SEMA4B: variants seen among roughly 807,000 people sequenced by gnomAD.
The protein encoded by SEMA4B is semaphorin-4B.
SEMA4B carries 55 observed loss-of-function variants against 88.1 expected under a neutral mutation model. The ratio of observed to expected loss-of-function variants is 0.62; its 90% CI spans 0.50 to 0.78. The LOEUF (loss-of-function observed/expected upper bound fraction) is 0.78. Ranked by LOEUF, SEMA4B falls within the 30% of genes least tolerant of loss-of-function variation. The pLI is 0.00. For synonymous variants in SEMA4B, 525 were observed against 473.6 expected, an observed-to-expected ratio of 1.11 and a Z score of -1.41; for missense variants, 1,062 against 1,111.9, an observed-to-expected ratio of 0.96 and a Z score of 0.64.
rs900724754 is a variant in SEMA4B at position 90,227,639 on chromosome 15, A to G, written c.1771A>G (p.Thr591Ala). 3 of 1,613,920 alleles carry G rather than the reference A, an allele frequency of 1.9e-6. No individual in the cohort carries two copies. Among genetic ancestry groups the G allele is most frequent in the Non-Finnish European group, 2.5e-6 (3 of 1,179,822 alleles). The change falls in exon 13 of 14, where the codon ACA becomes GCA. Residue 591 changes from threonine to alanine, a missense_variant. Thr to Ala is a moderately conservative substitution (Grantham distance 58, BLOSUM62 0). Transcript: ENST00000411539. ...SSVVSPSFVPTGEKPCEQVQF... is the reference protein window; with the variant it reads ...SSVVSPSFVPAGEKPCEQVQF... ...GGTTGTGTCCCCGTCTTTTGTACCA[A>G]CAGGTGAGGTGCCCCCTCAAAAGGT...
At chr15:90,221,927 T>C (rs1035060780) in intron 7 of SEMA4B, among the ~76,000 whole-genome samples, 162 bp downstream of exon 7, 8 of 95,990 alleles carry the variant, frequency 8.3e-5, no homozygotes, top group African/African-American at 3.9e-4. Flanking sequence ...ATCTTACTAC[T>C]TTTTTCTTTT....
intron 1 of SEMA4B, among the ~76,000 whole-genome samples, chr15:90,194,490 C>A (rs1277105401): frequency 6.6e-6 from 1 of 152,060 alleles, no homozygotes; most frequent in Non-Finnish European, 1.5e-5. Context: ...TGATATCATG[C>A]CATTGCACTC....
upstream of SEMA4B, among the ~76,000 whole-genome samples, chr15:90,199,764 T>G (rs1960635649): frequency 6.6e-6 from 1 of 151,800 alleles, no homozygotes; most frequent in Non-Finnish European, 1.5e-5. Context: ...AGGCAGAGGT[T>G]GCAGTGAGTG....
In SEMA4B at chr15:90,228,163, GGT is replaced by G. The variant is rs1567064711; in HGVS notation, c.2036_2037del (p.Val679GlyfsTer6). ...ACTGCCCAGAGGTGGTGGAGGACGG[GGT>G]GGCAGACCAAACAGATGAGGGTGGC... is the stretch of plus-strand genomic sequence containing the variant. ...SYCPEVVEDGVADQTDEGGSV... is the reference protein window; with the variant it reads ...SYCPEVVEDGXADQTDEGGSV... On this transcript the variant is annotated frameshift_variant, in exon 14 of 14. Transcript: ENST00000411539. LOFTEE classifies it high-confidence loss of function. The G allele has an allele frequency of 1.2e-6, 2 of 1,610,724 alleles. No homozygotes were observed.
chr15:90,194,723 C>T (rs756408833), intron 1 of SEMA4B, among the ~76,000 whole-genome samples: 2 of 152,042 alleles, frequency 1.3e-5, no homozygotes, highest in Non-Finnish European at 2.9e-5. Context: ...TGTTTAATCA[C>T]TCAAAATTTT....
chr15:90,194,013 G>A (rs1222376074), intron 1 of SEMA4B, among the ~76,000 whole-genome samples: 3 of 151,468 alleles, frequency 2.0e-5, no homozygotes, highest in African/African-American at 7.3e-5. Context: ...CACCACGCCC[G>A]GCTAATTTTC....
chr15:90,228,782 G>A lies in SEMA4B; in HGVS notation c.*139G>A. 1 of 1,129,582 alleles carries A rather than the reference G, an allele frequency of 8.9e-7. No homozygotes were observed. The highest frequency in any genetic ancestry group is 1.2e-6 in the Non-Finnish European group (1 of 807,986). 70.0% of individuals were successfully genotyped at this position (1,129,582 alleles called of 1,614,324 possible). On this transcript the variant is annotated 3_prime_UTR_variant, in exon 14 of 14. Coordinates refer to ENST00000411539, the MANE Select transcript of SEMA4B (RefSeq NM_198925.4). ...CCCTTGGGAGCCTTGGGGCCAGCTG[G>A]CCTGCTGCTCTCCAGTCAAGTAGCG...
At chr15:90,185,430 TC>T (rs1218255305) in intron 1 of SEMA4B, among the ~76,000 whole-genome samples, 1 of 152,226 alleles carries the variant, frequency 6.6e-6, no homozygotes, top group Non-Finnish European at 1.5e-5. Context: ...TGCGGAATGG[TC>T]GTGGATATGA....
chr15:90,201,777 G>A, intron 1 of SEMA4B, 42 bp downstream of exon 1: 1 of 1,378,262 alleles, frequency 7.3e-7, no homozygotes. Context: ...GGGGAAGGAA[G>A]GCTGCCGGGG....
intron 6 of SEMA4B, 57 bp downstream of exon 6, chr15:90,221,537 AG>A (rs1412540282): frequency 3.1e-6 from 5 of 1,607,144 alleles, no homozygotes; most frequent in Admixed American, 1.7e-5. Context: ...CAGCCCTAGA[AG>A]GGGGCACTTT....
At chr15:90,219,934 C>T (rs1028841684) in intron 4 of SEMA4B, 43 bp downstream of exon 4, 1 of 1,437,208 alleles carries the variant, frequency 7.0e-7, no homozygotes. Flanking sequence ...CTGGGAACTG[C>T]CCCTCTTTCT....
rs1596149716 is a variant in SEMA4B at position 90,219,953 on chromosome 15, G to A, written c.483+62G>A. 7.6e-6 allele frequency: 10 copies of A among 1,308,854 alleles called. No individual in the cohort carries two copies. The East Asian group carries it at 2.1e-4, about 27-fold the overall frequency. 81.1% of individuals were successfully genotyped at this position (1,308,854 alleles called of 1,614,324 possible). On this transcript the variant is annotated intron_variant, in intron 4 of 13. Transcript: ENST00000411539. Reference sequence around the variant, plus strand: ...GAACTGCCCCTCTTTCTGCCCCAGGGATCCTGTTCTGTAGCATAGACCCCT... The same window carrying A: ...GAACTGCCCCTCTTTCTGCCCCAGGAATCCTGTTCTGTAGCATAGACCCCT...
intron 13 of SEMA4B, 55 bp downstream of exon 13, chr15:90,227,697 AG>A: frequency 6.4e-7 from 1 of 1,561,610 alleles, no homozygotes. Flanking sequence ...TGTGCTTGGA[AG>A]GCTCCCCCAG....
chr15:90,217,467 C>A lies in SEMA4B; in HGVS notation c.186C>A (p.Phe62Leu). ...CTGAAGAGCGGCCATTCCTCAGATT[C>A]GAAGCTGAACACATCTCCAACTACA... ...LGSEERPFLR[F>L]EAEHISNYTA... The change falls in exon 2 of 14, where the codon TTC becomes TTA. Residue 62 changes from phenylalanine (F) to leucine (L), a missense_variant. Phe to Leu is a conservative substitution (Grantham distance 22, BLOSUM62 0). Coordinates refer to ENST00000411539, the MANE Select transcript of SEMA4B (RefSeq NM_198925.4). 6.2e-7 allele frequency: 1 copy of A among 1,613,648 alleles called. No individual in the cohort carries two copies. Among genetic ancestry groups the A allele is most frequent in the South Asian group, 1.1e-5 (1 of 90,986 alleles).
At chr15:90,213,596 G>A (rs894773628) in intron 1 of SEMA4B, among the ~76,000 whole-genome samples, 3 of 152,356 alleles carry the variant, frequency 2.0e-5, no homozygotes, top group South Asian at 2.1e-4. Flanking sequence ...TCTCCCAGGC[G>A]TAAGTGGGAT....
intron 1 of SEMA4B, among the ~76,000 whole-genome samples, chr15:90,191,321 G>A (rs762412018): frequency 4.7e-4 from 71 of 152,364 alleles, no homozygotes; most frequent in Non-Finnish European, 3.7e-4. Context: ...CTTTGCAGGA[G>A]GTGGCTGAAC....
intron 1 of SEMA4B, among the ~76,000 whole-genome samples, chr15:90,208,150 A>C (rs2151601954): frequency 6.6e-6 from 1 of 152,082 alleles, no homozygotes; most frequent in African/African-American, 2.4e-5. Context: ...GCTACTCAGG[A>C]GGCTAAGGGA....
At chr15:90,215,731 G>A (rs1185910022) in intron 1 of SEMA4B, among the ~76,000 whole-genome samples, 3 of 152,160 alleles carry the variant, frequency 2.0e-5, no homozygotes, top group South Asian at 2.1e-4. Context: ...AGAATTGCTC[G>A]AACCTGGAAG....
chr15:90,225,229 T>A, intron 10 of SEMA4B, 51 bp downstream of exon 10: 1 of 1,554,906 alleles, frequency 6.4e-7, no homozygotes. Flanking sequence ...ACGTGGCTGG[T>A]GGGTCATGGG....
Sources: allele counts gnomAD v4.1 joint callset (sites outside exome capture counted in the v4.1 genomes callset), GRCh38; gene constraint gnomAD v4.1.1; transcripts MANE v1.5; gene names NCBI Gene and HGNC (gene_info 2026-07-23, HGNC 2026-07-21).